Variants in TENM3 observed in about 807,000 individuals in gnomAD.
The protein encoded by TENM3 is teneurin transmembrane protein 3.
Under a neutral mutation model 255.1 loss-of-function variants are expected in TENM3, and 63 were observed. That is an observed-to-expected ratio of 0.25 (90% CI 0.20 to 0.30). The LOEUF is 0.30. TENM3 is among the 10% of genes least tolerant of loss of function. The pLI is 1.00. For missense variants in TENM3, 2,929 were observed against 3,461.1 expected (o/e 0.85, Z 3.86); for synonymous variants, 1,306 against 1,322.3 (o/e 0.99, Z 0.27).
chr4:182,564,543 G>A (rs1743564417), intron 3 of TENM3, among the ~76,000 whole-genome samples: 1 of 150,196 alleles, frequency 6.7e-6, no homozygotes, highest in Non-Finnish European at 1.5e-5. Context: ...TTCCTTTCTT[G>A]GTGTTTTCGT....
the TENM3 span, among the ~76,000 whole-genome samples, chr4:181,592,279 A>G: frequency 6.6e-6 from 1 of 151,740 alleles, no homozygotes; most frequent in African/African-American, 2.4e-5. Flanking sequence ...ACACACACAG[A>G]GCTGAGAAGG....
intron 22 of TENM3, 156 bp downstream of exon 22, chr4:182,755,415 T>G (rs932180949): frequency 7.4e-6 from 5 of 676,808 alleles, no homozygotes; most frequent in Non-Finnish European, 1.2e-5. Flanking sequence ...GGTGGCTCAT[T>G]CCCGTAGTCT....
chr4:181,885,110 G>A, the TENM3 span, among the ~76,000 whole-genome samples: 1 of 152,080 alleles, frequency 6.6e-6, no homozygotes, highest in African/African-American at 2.4e-5. Flanking sequence ...TTTGTATAAT[G>A]TATAAGCACT....
the TENM3 span, among the ~76,000 whole-genome samples, chr4:181,893,317 G>A: frequency 1.5e-3 from 235 of 152,098 alleles, no homozygotes; most frequent in African/African-American, 4.6e-3. Context: ...CCCACACTCC[G>A]AACTTGTTTT....
the TENM3 span, among the ~76,000 whole-genome samples, chr4:181,598,938 A>G: frequency 1.3e-5 from 2 of 152,268 alleles, no homozygotes; most frequent in East Asian, 3.9e-4. Flanking sequence ...TGAAAACAAA[A>G]TTTTCTGTCT....
At chr4:181,568,808 G>A in the TENM3 span, among the ~76,000 whole-genome samples, 4 of 152,156 alleles carry the variant, frequency 2.6e-5, no homozygotes, top group Non-Finnish European at 5.9e-5. Flanking sequence ...CCCAAGAGCA[G>A]GCTCGTCACT....
the TENM3 span, among the ~76,000 whole-genome samples, chr4:181,549,710 C>T: frequency 6.6e-6 from 1 of 152,184 alleles, no homozygotes; most frequent in African/African-American, 2.4e-5. Flanking sequence ...ATCCCCATTT[C>T]CTCCACTGGA....
At chr4:181,463,414 A>G in the TENM3 span, among the ~76,000 whole-genome samples, 15 of 152,058 alleles carry the variant, frequency 9.9e-5, no homozygotes, top group Non-Finnish European at 2.2e-4. Flanking sequence ...TTCCTATTCC[A>G]TCATATTATT....
chr4:181,703,789 T>C, the TENM3 span, among the ~76,000 whole-genome samples: 2 of 123,884 alleles, frequency 1.6e-5, no homozygotes, highest in Non-Finnish European at 3.7e-5. Context: ...ATGGAAGTTC[T>C]TTGGGGAGTT....
At chr4:182,284,200 T>C (rs1263098275) in intron 1 of TENM3, among the ~76,000 whole-genome samples, 3 of 152,216 alleles carry the variant, frequency 2.0e-5, no homozygotes, top group South Asian at 4.1e-4. Context: ...CTCTGACTGG[T>C]ATCACTTTCA....
At chr4:181,491,122 A>T in the TENM3 span, among the ~76,000 whole-genome samples, 1 of 151,270 alleles carries the variant, frequency 6.6e-6, no homozygotes, top group Non-Finnish European at 1.5e-5. Flanking sequence ...TCTACCTGAA[A>T]AAAAAAGCTT....
At chr4:181,887,887 T>A in the TENM3 span, among the ~76,000 whole-genome samples, 1 of 152,210 alleles carries the variant, frequency 6.6e-6, no homozygotes, top group African/African-American at 2.4e-5. Context: ...GATTTAACTT[T>A]TGGCTATTTC....
Position 182,595,303 on chromosome 4 carries a change from G to C in TENM3, c.512-5621G>C, listed in dbSNP as rs115785289. 2.1e-3 allele frequency among the ~76,000 whole-genome samples: 325 copies of C among 152,050 alleles called. 3 individuals carry two copies. The highest frequency in any genetic ancestry group is 7.3e-3 in the African/African-American group (304 of 41,496). ...GCCTTACATTTGCTTGGAACTGGGG[G>C]CCGGTAAGCTGCTTACACTGTAATC... On this transcript the variant is annotated intron_variant, in intron 3 of 27. Transcript: ENST00000511685.
chr4:182,770,897 G>T (rs1024618373), intron 22 of TENM3, among the ~76,000 whole-genome samples: 6 of 152,206 alleles, frequency 3.9e-5, no homozygotes, highest in Non-Finnish European at 7.3e-5. Flanking sequence ...AGCCCTGTTA[G>T]TGCCTGCACT....
intron 3 of TENM3, among the ~76,000 whole-genome samples, chr4:182,497,878 A>ATATATATATATATGTATATG (rs1446346027): frequency 7.0e-6 from 1 of 143,002 alleles, no homozygotes; most frequent in Non-Finnish European, 1.5e-5. Flanking sequence ...ATATATATAT[A>ATATATATATATATGTATATG]TATATCTCAA....
At chr4:182,445,764 G>A (rs1406000913) in intron 3 of TENM3, among the ~76,000 whole-genome samples, 2 of 152,090 alleles carry the variant, frequency 1.3e-5, no homozygotes, top group Non-Finnish European at 1.5e-5. Flanking sequence ...ATGATTCCAC[G>A]TGGTTATTCA....
intron 1 of TENM3, among the ~76,000 whole-genome samples, chr4:182,203,286 A>C (rs1308745029): frequency 3.3e-5 from 5 of 152,064 alleles, no homozygotes; most frequent in African/African-American, 1.2e-4. Context: ...TCCTCCACCC[A>C]GCTATCACAT....
At chr4:181,550,164 C>G in the TENM3 span, among the ~76,000 whole-genome samples, 1 of 152,048 alleles carries the variant, frequency 6.6e-6, no homozygotes, top group Non-Finnish European at 1.5e-5. Flanking sequence ...TCATAAAGTC[C>G]ACAGAAGGGA....
At chr4:181,998,833 G>T in the TENM3 span, among the ~76,000 whole-genome samples, 1 of 152,114 alleles carries the variant, frequency 6.6e-6, no homozygotes, top group Non-Finnish European at 1.5e-5. Flanking sequence ...ATACTACTTG[G>T]AATATAGGCA....
Sources: gnomAD v4.1 joint callset for allele counts (sites outside exome capture counted in the v4.1 genomes callset) on GRCh38, gnomAD v4.1.1 for gene constraint, MANE v1.5 for transcripts, NCBI Gene and HGNC (gene_info 2026-07-23, HGNC 2026-07-21) for gene names.